SREK1IP1: variants seen among roughly 807,000 people sequenced by gnomAD.
SREK1IP1 encodes the protein protein SREK1IP1.
A neutral mutation model predicts 22.8 loss-of-function variants in SREK1IP1; 12 were observed. That is an observed-to-expected ratio of 0.53 (90% CI 0.34 to 0.85). The LOEUF (loss-of-function observed/expected upper bound fraction) is 0.85, where lower values mean the gene tolerates loss of function less well. Ranked by LOEUF, SREK1IP1 falls within the 40% of genes least tolerant of loss-of-function variation. The pLI is 0.02. For missense variants in SREK1IP1, 147 were observed against 171.8 expected (o/e 0.86, Z 0.81); for synonymous variants, 53 against 52.7 (o/e 1.01, Z -0.02).
intron 1 of SREK1IP1, among the ~76,000 whole-genome samples, chr5:64,761,408 C>T (rs986414): frequency 0.051 from 7,691 of 152,158 alleles, 550 homozygotes; most frequent in African/African-American, 0.16. Flanking sequence ...TTGTTAGGCA[C>T]AACACAGAAA....
chr5:64,753,749 T>A (rs1053944298), intron 2 of SREK1IP1, among the ~76,000 whole-genome samples: 5 of 152,240 alleles, frequency 3.3e-5, no homozygotes, highest in African/African-American at 1.2e-4. Flanking sequence ...GCTTTAGGCA[T>A]TACTATATTT....
At chr5:64,733,662 C>G (rs926309893) in intron 3 of SREK1IP1, among the ~76,000 whole-genome samples, 4 of 152,028 alleles carry the variant, frequency 2.6e-5, no homozygotes, top group African/African-American at 9.7e-5. Flanking sequence ...GGGCATATGT[C>G]TCATAGAAAT....
chr5:64,763,627 T>C (rs1742989384), intron 1 of SREK1IP1, among the ~76,000 whole-genome samples: 1 of 152,220 alleles, frequency 6.6e-6, no homozygotes, highest in Non-Finnish European at 1.5e-5. Context: ...TGAAACAGAA[T>C]GAAGACTGTA....
intron 4 of SREK1IP1, among the ~76,000 whole-genome samples, chr5:64,725,701 C>T (rs1742250149): frequency 6.6e-6 from 1 of 152,054 alleles, no homozygotes; most frequent in South Asian, 2.1e-4. Flanking sequence ...ATGTATTCTC[C>T]TGCACCCTTG....
chr5:64,768,252 C>G (rs1300457098), intron 1 of SREK1IP1, among the ~76,000 whole-genome samples: 2 of 152,238 alleles, frequency 1.3e-5, no homozygotes, highest in African/African-American at 4.8e-5. Context: ...CTCCTCCCTC[C>G]CTTCCACAAT....
chr5:64,739,689 C>T (rs1350648873), intron 3 of SREK1IP1, among the ~76,000 whole-genome samples: 1 of 151,986 alleles, frequency 6.6e-6, no homozygotes, highest in Non-Finnish European at 1.5e-5. Flanking sequence ...TTTTTTTCTA[C>T]TTCTGGCATT....
intron 2 of SREK1IP1, among the ~76,000 whole-genome samples, chr5:64,747,647 G>A (rs1292895743): frequency 1.3e-5 from 2 of 151,276 alleles, no homozygotes; most frequent in South Asian, 2.1e-4. Context: ...GCAGTTTTTC[G>A]GCCGGGCGCG....
chr5:64,749,963 G>A (rs1487653102), intron 2 of SREK1IP1, among the ~76,000 whole-genome samples: 1 of 151,892 alleles, frequency 6.6e-6, no homozygotes, highest in Non-Finnish European at 1.5e-5. Flanking sequence ...TATTCTCCAG[G>A]CTTCTCAATA....
At position 64,750,040 on chromosome 5, in the gene SREK1IP1, T is replaced by C. The variant is rs542673213; in HGVS notation, c.61+4275A>G. On this transcript the variant is annotated intron_variant, in intron 2 of 4. Transcript: ENST00000513458. ...TGCTGCAGGTTAACAGCCCCATTCA[T>C]TGAAATTTTTTGAATGTGGCTCATA... Among the ~76,000 whole-genome samples the C allele has an allele frequency of 5.3e-5, 8 of 152,274 alleles. 1 individual carries two copies. The South Asian group carries it at 8.3e-4, about 16-fold the overall frequency.
chr5:64,741,038 G>A lies in SREK1IP1; in HGVS notation c.205+19C>T. ...ACATTTACAAACATTTCTAAAGAAT[G>A]GAAAAAAATATTGCTTACTTTTTTC... is the stretch of plus-strand genomic sequence containing the variant. On this transcript the variant is annotated intron_variant, in intron 3 of 4. Transcript: ENST00000513458. 6.2e-7 allele frequency: 1 copy of A among 1,601,406 alleles called. No homozygotes were observed. Among genetic ancestry groups the A allele is most frequent in the Non-Finnish European group, 8.5e-7 (1 of 1,172,392 alleles).
intron 1 of SREK1IP1, among the ~76,000 whole-genome samples, chr5:64,766,248 C>A (rs1023878424): frequency 3.3e-5 from 5 of 152,218 alleles, no homozygotes; most frequent in Non-Finnish European, 7.3e-5. Flanking sequence ...AACCTCAACA[C>A]AACAAGCCCC....
intron 1 of SREK1IP1, among the ~76,000 whole-genome samples, chr5:64,756,871 C>G (rs1361606001): frequency 1.3e-5 from 2 of 152,256 alleles, no homozygotes; most frequent in South Asian, 4.2e-4. Context: ...CATGATCCGC[C>G]TGCCTTAGCT....
chr5:64,724,601 G>C, intron 4 of SREK1IP1, 28 bp from the exon 5 acceptor site: 5 of 1,456,660 alleles, frequency 3.4e-6, no homozygotes. Flanking sequence ...TACTGACTGA[G>C]AATTGCATTT....
intron 3 of SREK1IP1, among the ~76,000 whole-genome samples, chr5:64,734,328 T>C (rs1334598839): frequency 6.6e-6 from 1 of 152,138 alleles, no homozygotes; most frequent in African/African-American, 2.4e-5. Flanking sequence ...GTTTTTTAAT[T>C]TTACTAATCC....
chr5:64,744,062 C>T (rs943609294), intron 2 of SREK1IP1, among the ~76,000 whole-genome samples: 1 of 152,106 alleles, frequency 6.6e-6, no homozygotes, highest in African/African-American at 2.4e-5. Context: ...GGCAAGTGGA[C>T]ACAAGCATGT....
intron 3 of SREK1IP1, among the ~76,000 whole-genome samples, chr5:64,736,814 G>GA (rs151200156): frequency 3.3e-5 from 5 of 150,894 alleles, no homozygotes; most frequent in South Asian, 2.1e-4. Flanking sequence ...TTATCATTAG[G>GA]AAAAAAAACC....
intron 2 of SREK1IP1, among the ~76,000 whole-genome samples, chr5:64,749,117 C>T (rs1742699260): frequency 1.3e-5 from 2 of 148,554 alleles, no homozygotes; most frequent in Admixed American, 1.3e-4. Context: ...AAAAACCCTC[C>T]AGTTTCATGT....
At chr5:64,742,797 G>C (rs760248425) in intron 2 of SREK1IP1, among the ~76,000 whole-genome samples, 13 of 152,044 alleles carry the variant, frequency 8.6e-5, no homozygotes, top group Admixed American at 5.2e-4. Flanking sequence ...AATATTCTTA[G>C]TTCTTTATTT....
intron 1 of SREK1IP1, among the ~76,000 whole-genome samples, chr5:64,764,859 G>T (rs1359884872): frequency 6.6e-6 from 1 of 152,154 alleles, no homozygotes. Flanking sequence ...AAGAAAAATT[G>T]GATGTAATTG....
Sources: allele counts gnomAD v4.1 joint callset (sites outside exome capture counted in the v4.1 genomes callset), GRCh38; gene constraint gnomAD v4.1.1; transcripts MANE v1.5; gene names NCBI Gene and HGNC (gene_info 2026-07-23, HGNC 2026-07-21).